SLC37A1: variants seen among roughly 807,000 people sequenced by gnomAD.
SLC37A1 encodes glucose-6-phosphate exchanger SLC37A1.
A neutral mutation model predicts 75.3 loss-of-function variants in SLC37A1; 49 were observed. The observed-to-expected ratio is 0.65, with a 90% CI of 0.52 to 0.83. SLC37A1 has a LOEUF of 0.83. Ranked by LOEUF, SLC37A1 falls within the 40% of genes least tolerant of loss-of-function variation. The pLI is 0.00. For synonymous variants in SLC37A1, 268 were observed against 292.1 expected, an observed-to-expected ratio of 0.92 and a Z score of 0.84; for missense variants, 566 against 695.0, an observed-to-expected ratio of 0.81 and a Z score of 2.09.
rs755823955 is a variant in SLC37A1 at position 42,535,459 on chromosome 21, C to T, written c.272-13C>T. The T allele has an allele frequency of 1.9e-6, 3 of 1,611,906 alleles. No homozygotes were observed. The Admixed American group carries it at 5.0e-5, about 27-fold the overall frequency. ...ATACTGAGCTTGTCCTGCTGGTTTT[C>T]AAATTCATATAGATAAGAACAACTA... On this transcript the variant is annotated splice_polypyrimidine_tract_variant and intron_variant, in intron 4 of 19. Transcript: ENST00000352133.
At position 42,547,011 on chromosome 21, in the gene SLC37A1, C is replaced by T. The variant is rs2055425065; in HGVS notation, c.731-92C>T. The T allele has an allele frequency of 6.9e-7, 1 of 1,454,528 alleles. No homozygotes were observed. The highest frequency in any genetic ancestry group is 1.4e-5 in the African/African-American group (1 of 71,758). The allele number at this position is 1,454,528 out of a possible 1,614,324, so 90.1% of individuals were successfully genotyped here. ...ATACAGTCCAGTTTCACACCCGGTG[C>T]TCCCGTGTTGCCCTGTCCTCGGGTT... On this transcript the variant is annotated intron_variant, in intron 8 of 19. Transcript: ENST00000352133. The surrounding 1 kb of genome is among the most constrained non-coding windows in gnomAD (Gnocchi z 6.1).
rs1353592425 is a variant in SLC37A1, at chr21:42,548,154, CCTCT to C, written c.768+1018_768+1021del. On this transcript the variant is annotated intron_variant, in intron 9 of 19. Coordinates refer to ENST00000352133, the MANE Select transcript of SLC37A1 (RefSeq NM_001320537.2). This position sits in a 1 kb window ranked among gnomAD's most constrained non-coding sequence, Gnocchi z 5.6. ...GTGCCCCCAGGCTGCCCTGCGGCCT[CCTCT>C]CTCCTTGTCTGCCCGCTCACTGCAG... 6.6e-6 allele frequency among the ~76,000 whole-genome samples: 1 copy of C among 152,050 alleles called. No homozygotes were observed. Among genetic ancestry groups the C allele is most frequent in the East Asian group, 1.9e-4 (1 of 5,186 alleles).
intron 4 of SLC37A1, 99 bp from the exon 5 acceptor site, chr21:42,535,373 C>G: frequency 9.7e-7 from 1 of 1,033,180 alleles, no homozygotes; most frequent in Non-Finnish European, 1.5e-6. Context: ...CTAAGTACAC[C>G]CCGATTTCGG....
At chr21:42,563,185 C>A (rs529796845) in intron 12 of SLC37A1, among the ~76,000 whole-genome samples, 1 of 152,306 alleles carries the variant, frequency 6.6e-6, no homozygotes, top group East Asian at 1.9e-4. Context: ...CACAGCTGGG[C>A]CTTCTTTCTC....
chr21:42,567,453 G>T (rs1156539630), intron 16 of SLC37A1, among the ~76,000 whole-genome samples: 1 of 152,172 alleles, frequency 6.6e-6, no homozygotes, highest in Non-Finnish European at 1.5e-5. Flanking sequence ...CCTTTGTATT[G>T]GACGTGTCCT....
chr21:42,504,239 A>G (rs2054365100), intron 2 of SLC37A1, among the ~76,000 whole-genome samples: 1 of 152,208 alleles, frequency 6.6e-6, no homozygotes, highest in African/African-American at 2.4e-5. Context: ...TAGGATGGCT[A>G]GAAATGGGGA....
chr21:42,572,700 C>CTT (rs2056213881), intron 17 of SLC37A1, among the ~76,000 whole-genome samples: 1 of 40,778 alleles, frequency 2.5e-5, no homozygotes, highest in Non-Finnish European at 6.7e-5. Context: ...AAGAGTGTGT[C>CTT]CTGAGGTTCA....
chr21:42,561,440 C>A (rs781159942), intron 11 of SLC37A1: 1 of 154,918 alleles, frequency 6.5e-6, no homozygotes, highest in Admixed American at 6.4e-5. Context: ...ACTCACAAGG[C>A]GGGATGCGGT....
chr21:42,500,088 C>CCTTTTTTTTTTT (rs2054327343), intron 1 of SLC37A1, among the ~76,000 whole-genome samples: 1 of 152,174 alleles, frequency 6.6e-6, no homozygotes, highest in Non-Finnish European at 1.5e-5. Flanking sequence ...AACTGAGGGG[C>CCTTTTTTTTTTT]TTCAGTAAAA....
At chr21:42,540,949 G>A (rs2055265036) in intron 6 of SLC37A1, among the ~76,000 whole-genome samples, 1 of 152,226 alleles carries the variant, frequency 6.6e-6, no homozygotes, top group Admixed American at 6.5e-5. Context: ...CCCAGAGGCA[G>A]CAACAGTTAG....
chr21:42,571,889 A>C (rs954714839), intron 17 of SLC37A1, among the ~76,000 whole-genome samples: 2 of 151,076 alleles, frequency 1.3e-5, no homozygotes, highest in Non-Finnish European at 2.9e-5. Context: ...CACCCCTTTC[A>C]CGCCATCAGC....
intron 18 of SLC37A1, among the ~76,000 whole-genome samples, chr21:42,578,552 C>T (rs529423560): frequency 1.9e-4 from 29 of 152,274 alleles, no homozygotes; most frequent in Non-Finnish European, 3.7e-4. Context: ...TAAGCCTGTG[C>T]CGGTAGTTGG....
Position 42,579,588 on chromosome 21 carries a change from C to T in SLC37A1, c.1522-148C>T, listed in dbSNP as rs1181817026. 2.1e-5 allele frequency: 6 copies of T among 292,188 alleles called. No individual in the cohort carries two copies. In the East Asian group the frequency reaches 2.4e-4, roughly 11 times the overall value. 18.1% of individuals were successfully genotyped at this position (292,188 alleles called of 1,614,324 possible). On this transcript the variant is annotated intron_variant, in intron 18 of 19. Transcript: ENST00000352133. ...CCGGCTGAGCATGCAAGCCCCGCTGCTCTTGCAGGGAGGCCACCCCAGGGA... is the reference window on the plus strand; with the variant it reads ...CCGGCTGAGCATGCAAGCCCCGCTGTTCTTGCAGGGAGGCCACCCCAGGGA...
At chr21:42,568,171 A>G (rs924268952) in intron 16 of SLC37A1, among the ~76,000 whole-genome samples, 189 bp from the exon 17 acceptor site, 7 of 152,214 alleles carry the variant, frequency 4.6e-5, no homozygotes, top group Non-Finnish European at 7.3e-5. Context: ...ATTTCTGATG[A>G]CTTTTGACTC....
chr21:42,534,561 C>A, intron 3 of SLC37A1, 137 bp from the exon 4 acceptor site: 1 of 1,065,722 alleles, frequency 9.4e-7, no homozygotes, highest in Non-Finnish European at 1.3e-6. Context: ...CGCCTTGTGT[C>A]CCTCTTAGAA....
intron 13 of SLC37A1, 62 bp downstream of exon 13, chr21:42,563,939 T>C: frequency 6.4e-7 from 1 of 1,564,984 alleles, no homozygotes; most frequent in South Asian, 1.1e-5. Context: ...GATCTCTGAG[T>C]TGATTCACTG....
At chr21:42,526,182 T>C (rs2054785484) in intron 3 of SLC37A1, 1 of 214,146 alleles carries the variant, frequency 4.7e-6, no homozygotes, top group Admixed American at 5.3e-5. Context: ...TTCCCCAAAT[T>C]CCAGCTCTTC....
At chr21:42,524,493 G>A (rs2054731704) in intron 2 of SLC37A1, among the ~76,000 whole-genome samples, 1 of 152,194 alleles carries the variant, frequency 6.6e-6, no homozygotes, top group Non-Finnish European at 1.5e-5. Context: ...CAGCGTCACT[G>A]CCTTTTTCTC....
chr21:42,529,428 C>T (rs2054884268), intron 3 of SLC37A1, among the ~76,000 whole-genome samples: 1 of 152,060 alleles, frequency 6.6e-6, no homozygotes, highest in Non-Finnish European at 1.5e-5. Context: ...GTGGCGGGCA[C>T]CTGTAATCCC....
Sources: allele counts gnomAD v4.1 joint callset (sites outside exome capture counted in the v4.1 genomes callset), GRCh38; gene constraint gnomAD v4.1.1; non-coding constraint Gnocchi (gnomAD v3.1); transcripts MANE v1.5; gene names NCBI Gene and HGNC (gene_info 2026-07-23, HGNC 2026-07-21).